The following NDUFV2 variants were observed in gnomAD, a reference collection of about 807,000 sequenced individuals.
NDUFV2 encodes NADH:ubiquinone oxidoreductase core subunit V2.
NDUFV2 carries 18 observed loss-of-function variants against 31.6 expected under a neutral mutation model. That is an observed-to-expected ratio of 0.57 (90% CI 0.39 to 0.84). The LOEUF (loss-of-function observed/expected upper bound fraction) is 0.84, where lower values mean the gene tolerates loss of function less well. Among genes scored for constraint, NDUFV2 ranks in the 40% least tolerant of loss-of-function variants. The pLI is 0.00. For synonymous variants in NDUFV2, 83 were observed against 99.8 expected (o/e 0.83, Z 1.01); for missense variants, 314 against 303.6 (o/e 1.03, Z -0.26).
At chr18:9,127,003 G>C in intron 7 of NDUFV2, 96 bp downstream of exon 7, 2 of 930,968 alleles carry the variant, frequency 2.1e-6, no homozygotes, top group Non-Finnish European at 3.6e-6. Flanking sequence ...TAAGTTCATA[G>C]GAATTGGTAG....
intron 7 of NDUFV2, among the ~76,000 whole-genome samples, chr18:9,130,850 A>G (rs992443318): frequency 1.3e-5 from 2 of 152,120 alleles, no homozygotes; most frequent in African/African-American, 4.8e-5. Context: ...TTAGTAAAAG[A>G]CTGATGTCTA....
chr18:9,121,693 C>G (rs184272055), intron 4 of NDUFV2, among the ~76,000 whole-genome samples: 14 of 152,234 alleles, frequency 9.2e-5, no homozygotes, highest in African/African-American at 2.9e-4. Context: ...TTATAAATCA[C>G]GATAGACAAG....
intron 1 of NDUFV2, among the ~76,000 whole-genome samples, chr18:9,110,526 TGA>T (rs932658170): frequency 6.6e-6 from 1 of 152,222 alleles, no homozygotes; most frequent in Non-Finnish European, 1.5e-5. Context: ...ACTACTTTTT[TGA>T]GACAGGGTCT....
chr18:9,113,910 T>G (rs2077884110), intron 1 of NDUFV2, among the ~76,000 whole-genome samples: 1 of 152,194 alleles, frequency 6.6e-6, no homozygotes, highest in Non-Finnish European at 1.5e-5. Flanking sequence ...CCCTTCCTTC[T>G]CAGTGTCTGA....
intron 1 of NDUFV2, among the ~76,000 whole-genome samples, chr18:9,115,219 G>A (rs909334375): frequency 2.6e-5 from 4 of 152,062 alleles, no homozygotes; most frequent in East Asian, 3.9e-4. Flanking sequence ...CATTAACATC[G>A]TAATAAGAGA....
intron 1 of NDUFV2, among the ~76,000 whole-genome samples, chr18:9,106,424 C>T: frequency 6.6e-6 from 1 of 152,130 alleles, no homozygotes; most frequent in East Asian, 1.9e-4. Context: ...AGTTATTATT[C>T]AGTGGTTTGC....
At chr18:9,112,036 T>TG (rs397951163) in intron 1 of NDUFV2, among the ~76,000 whole-genome samples, 11 of 149,580 alleles carry the variant, frequency 7.4e-5, no homozygotes, top group African/African-American at 2.8e-4. Context: ...TTTTTTTTTT[T>TG]GATAGAGAAT....
At chr18:9,131,844 TTTAG>T (rs1197375983) in intron 7 of NDUFV2, among the ~76,000 whole-genome samples, 2 of 149,584 alleles carry the variant, frequency 1.3e-5, no homozygotes, top group African/African-American at 5.0e-5. Flanking sequence ...TCATTTTTTG[TTTAG>T]TAAGTGAAAA....
chr18:9,119,253 G>A (rs2077916749), intron 2 of NDUFV2, 73 bp from the exon 3 acceptor site: 3 of 1,104,492 alleles, frequency 2.7e-6, no homozygotes, highest in Non-Finnish European at 4.2e-6. Context: ...ATAAGTAATA[G>A]TATAGTAATG....
At position 9,102,759 on chromosome 18, in the gene NDUFV2, G is replaced by A. The variant is rs768403602; in HGVS notation, c.16G>A (p.Ala6Thr). 1.9e-6 allele frequency: 3 copies of A among 1,587,886 alleles called. No individual in the cohort carries two copies. The highest frequency in any genetic ancestry group is 2.6e-6 in the Non-Finnish European group (3 of 1,169,338). The change falls in exon 1 of 8, where the codon GCG becomes ACG. Residue 6 changes from alanine to threonine, a missense_variant. Coordinates refer to ENST00000318388, the MANE Select transcript of NDUFV2 (RefSeq NM_021074.5). ...GTGGCCCGCCATGTTCTTCTCCGCGGCGCTCCGGGCCCGGGCGGCTGGCCT... is the reference window on the plus strand; with the variant it reads ...GTGGCCCGCCATGTTCTTCTCCGCGACGCTCCGGGCCCGGGCGGCTGGCCT... MFFSA[A>T]LRARAAGLTA...
intron 7 of NDUFV2, among the ~76,000 whole-genome samples, chr18:9,128,188 C>T (rs753320070): frequency 1.3e-5 from 2 of 152,104 alleles, no homozygotes; most frequent in Non-Finnish European, 2.9e-5. Context: ...ATACGGTATT[C>T]TAATGTTTTA....
intron 7 of NDUFV2, among the ~76,000 whole-genome samples, chr18:9,132,711 C>T (rs34074572): frequency 0.018 from 2,745 of 152,086 alleles, 33 homozygotes; most frequent in Non-Finnish European, 0.03. Context: ...CTTGTCTCTA[C>T]GAAAAATACA....
At chr18:9,107,527 C>T (rs927241673) in intron 1 of NDUFV2, among the ~76,000 whole-genome samples, 5 of 152,130 alleles carry the variant, frequency 3.3e-5, no homozygotes, top group South Asian at 2.1e-4. Flanking sequence ...CTTTATCTGT[C>T]GGATATTTTG....
intron 6 of NDUFV2, 43 bp downstream of exon 6, chr18:9,125,026 T>C (rs1232931521): frequency 1.9e-6 from 3 of 1,576,288 alleles, no homozygotes; most frequent in Middle Eastern, 1.7e-4. Context: ...TATGATGTCA[T>C]ATTTAAAACA....
At chr18:9,114,802 A>G (rs531608700) in intron 1 of NDUFV2, among the ~76,000 whole-genome samples, 5 of 152,344 alleles carry the variant, frequency 3.3e-5, no homozygotes, top group African/African-American at 7.2e-5. Context: ...ACTTTTAGAA[A>G]TATGTCTGTG....
In NDUFV2 at chr18:9,124,955, C is replaced by T. The variant is rs751581167; in HGVS notation, c.551C>T (p.Pro184Leu). The change falls in exon 6 of 8, where the codon CCA becomes CTA. Residue 184 changes from proline (P) to leucine (L), a missense_variant. Coordinates refer to ENST00000318388, the MANE Select transcript of NDUFV2 (RefSeq NM_021074.5). ...VECLGACVNA[P>L]MVQINDNYYE... The stretch of plus-strand genomic sequence containing the variant: ...TGTTTAGGGGCCTGTGTGAACGCAC[C>T]AATGGTTCAAATAAATGACAATTAC... The T allele has an allele frequency of 1.1e-5, 17 of 1,613,354 alleles. No homozygotes were observed. The highest frequency in any genetic ancestry group is 2.2e-5 in the South Asian group (2 of 91,034).
intron 7 of NDUFV2, among the ~76,000 whole-genome samples, chr18:9,130,979 C>T (rs2078035214): frequency 6.6e-6 from 1 of 152,180 alleles, no homozygotes; most frequent in African/African-American, 2.4e-5. Context: ...ACATTGATTG[C>T]TCATGCAGTT....
At chr18:9,115,316 GT>G (rs1198297656) in intron 1 of NDUFV2, among the ~76,000 whole-genome samples, 9 of 151,546 alleles carry the variant, frequency 5.9e-5, no homozygotes, top group African/African-American at 1.5e-4. Flanking sequence ...ATGCATTTTT[GT>G]TTTTTTTGTT....
At chr18:9,129,058 C>G (rs1480260009) in intron 7 of NDUFV2, among the ~76,000 whole-genome samples, 2 of 152,198 alleles carry the variant, frequency 1.3e-5, no homozygotes, top group Non-Finnish European at 2.9e-5. Flanking sequence ...CTGCCTCAGT[C>G]TCCCGAGCAG....
Sources: allele counts gnomAD v4.1 joint callset (sites outside exome capture counted in the v4.1 genomes callset), GRCh38; gene constraint gnomAD v4.1.1; transcripts MANE v1.5; gene names NCBI Gene and HGNC (gene_info 2026-07-23, HGNC 2026-07-21).